The following PRPF31 variants were observed in gnomAD, a reference collection of about 807,000 sequenced individuals.
PRPF31 encodes the protein U4/U6 small nuclear ribonucleoprotein Prp31.
In PRPF31, 12 loss-of-function variants were observed where a neutral mutation model predicts 60.4. The ratio of observed to expected loss-of-function variants is 0.20; its 90% CI spans 0.13 to 0.32. The LOEUF is 0.32. Ranked by LOEUF, PRPF31 falls within the 10% of genes least tolerant of loss-of-function variation. The pLI, the probability that PRPF31 is intolerant of heterozygous loss-of-function variation, is 1.00. For synonymous variants in PRPF31, 287 were observed against 287.9 expected (o/e 1.00, Z 0.03); for missense variants, 431 against 687.1 (o/e 0.63, Z 4.17).
intron 4 of PRPF31, chr19:54,122,150 G>C: frequency 1.5e-6 from 1 of 672,070 alleles, no homozygotes; most frequent in Non-Finnish European, 2.6e-6. Flanking sequence ...GTGGCCGCTT[G>C]GCTGCCTGTA....
chr19:54,130,888 C>T (rs1274562011), intron 13 of PRPF31, among the ~76,000 whole-genome samples: 6 of 152,112 alleles, frequency 3.9e-5, no homozygotes, highest in Non-Finnish European at 7.4e-5. Flanking sequence ...CGGGGGCTCG[C>T]TCTGTTGCCT....
chr19:54,124,762 C>A (rs1248123952), intron 8 of PRPF31, 106 bp downstream of exon 8: 17 of 1,350,914 alleles, frequency 1.3e-5, no homozygotes, highest in Non-Finnish European at 1.8e-5. Context: ...GACGGTAGCA[C>A]TCAGGAGCTG....
intron 1 of PRPF31, among the ~76,000 whole-genome samples, chr19:54,117,204 C>G (rs1351838086): frequency 1.3e-5 from 2 of 152,198 alleles, no homozygotes; most frequent in African/African-American, 2.4e-5. Flanking sequence ...ATGTAACCAA[C>G]TCAAGTTTCT....
intron 8 of PRPF31, 175 bp downstream of exon 8, chr19:54,124,831 C>T: frequency 4.0e-6 from 3 of 750,232 alleles, no homozygotes; most frequent in Admixed American, 4.4e-5. Flanking sequence ...GCTCCAGCAC[C>T]CACCAGTCAG....
At chr19:54,123,582 C>T (rs750045286) in intron 6 of PRPF31, 22 bp downstream of exon 6, 111 of 1,611,672 alleles carry the variant, frequency 6.9e-5, no homozygotes, top group Non-Finnish European at 8.2e-5. Flanking sequence ...TCGAGGGAGG[C>T]GCCGGGCCCT....
chr19:54,123,751 A>G lies in PRPF31; in HGVS notation c.530A>G (p.Gln177Arg). The G allele has an allele frequency of 6.2e-7, 1 of 1,609,312 alleles. No homozygotes were observed. The highest frequency in any genetic ancestry group is 8.5e-7 in the Non-Finnish European group (1 of 1,178,906). ...GCTGGGCCCACCCGCCCCTGCAGGCAGCAGCTGTCGGAGGAGGAGCTGGAG... is the reference window on the plus strand; with the variant it reads ...GCTGGGCCCACCCGCCCCTGCAGGCGGCAGCTGTCGGAGGAGGAGCTGGAG... ...VSVTASTTQG[Q>R]QLSEEELERL... The change falls in exon 7 of 14, where the codon CAG (glutamine) becomes CGG (arginine). Residue 177 changes from glutamine (Q) to arginine (R), a missense_variant and splice_region_variant. Gln to Arg is a conservative substitution (Grantham distance 43, BLOSUM62 1). This residue lies in a region of PRPF31 where 314 missense variants were observed against 475.3 expected (regional missense o/e 0.66). Coordinates refer to ENST00000321030, the MANE Select transcript of PRPF31 (RefSeq NM_015629.4).
chr19:54,131,440 C>G lies in PRPF31; in HGVS notation c.*8C>G. 2 of 1,614,002 alleles carry G rather than the reference C, an allele frequency of 1.2e-6. No individual in the cohort carries two copies. The highest frequency in any genetic ancestry group is 1.7e-6 in the Non-Finnish European group (2 of 1,179,968). On this transcript the variant is annotated 3_prime_UTR_variant, in exon 14 of 14. Transcript: ENST00000321030. ...GGCCTTATGTCCACCTGAATGACTGCGTGTGTCCAAGGTGGCTTCCCACTG... is the reference window on the plus strand; with the variant it reads ...GGCCTTATGTCCACCTGAATGACTGGGTGTGTCCAAGGTGGCTTCCCACTG...
At chr19:54,118,108 C>T (rs1045746573) in intron 1 of PRPF31, 163 bp from the exon 2 acceptor site, 16 of 974,008 alleles carry the variant, frequency 1.6e-5, no homozygotes, top group African/African-American at 3.2e-5. Flanking sequence ...GCTGGAGACT[C>T]GCCAGTGAAC....
intron 1 of PRPF31, 172 bp from the exon 2 acceptor site, chr19:54,118,099 C>A: frequency 1.1e-6 from 1 of 899,746 alleles, no homozygotes; most frequent in South Asian, 1.4e-5. Context: ...CAGGTCGGAG[C>A]TGGAGACTCG....
chr19:54,117,041 G>A (rs1271245397), intron 1 of PRPF31, among the ~76,000 whole-genome samples: 2 of 152,142 alleles, frequency 1.3e-5, no homozygotes, highest in African/African-American at 4.8e-5. Flanking sequence ...GCTGCCGTGA[G>A]CTATGATGGC....
Position 54,123,802 on chromosome 19 carries a change from C to T in PRPF31, c.581C>T (p.Ala194Val), listed in dbSNP as rs119475043. 9 of 1,612,810 alleles carry T rather than the reference C, an allele frequency of 5.6e-6. No individual in the cohort carries two copies. The highest frequency in any genetic ancestry group is 7.6e-6 in the Non-Finnish European group (9 of 1,179,986). Residue 194 changes from alanine (A) to valine (V), a missense_variant, in exon 7 of 14, where the codon GCG (alanine) becomes GTG (valine). Coordinates refer to ENST00000321030, the MANE Select transcript of PRPF31 (RefSeq NM_015629.4). Reference protein sequence around the residue: ...LERLEEACDMALELNASKHRI... With the variant: ...LERLEEACDMVLELNASKHRI... ...CGGCTGGAGGAGGCCTGCGACATGG[C>T]GCTGGAGCTGAACGCCTCCAAGCAC...
intron 10 of PRPF31, 51 bp downstream of exon 10, chr19:54,128,251 C>T: frequency 6.4e-7 from 1 of 1,558,870 alleles, no homozygotes; most frequent in Non-Finnish European, 8.7e-7. Flanking sequence ...AGGGGAGAAG[C>T]CGGCGTCCTC....
chr19:54,124,757 T>C (rs1188563689), intron 8 of PRPF31, 101 bp downstream of exon 8: 24 of 1,381,880 alleles, frequency 1.7e-5, no homozygotes, highest in Non-Finnish European at 2.2e-5. Context: ...CAGCTGACGG[T>C]AGCACTCAGG....
chr19:54,128,857 C>T (rs587635138), intron 11 of PRPF31, among the ~76,000 whole-genome samples, 200 bp from the exon 12 acceptor site: 1 of 152,200 alleles, frequency 6.6e-6, no homozygotes, highest in East Asian at 1.9e-4. Flanking sequence ...GTGCTGGGAC[C>T]GGGCCCCTCT....
intron 3 of PRPF31, among the ~76,000 whole-genome samples, chr19:54,121,448 A>C (rs2073786399): frequency 2.6e-5 from 4 of 152,260 alleles, no homozygotes; most frequent in South Asian, 2.1e-4. Flanking sequence ...CTGAGTCAGC[A>C]AACAGGAACG....
chr19:54,129,439 G>C, intron 13 of PRPF31, 69 bp downstream of exon 13: 1 of 1,514,236 alleles, frequency 6.6e-7, no homozygotes, highest in Non-Finnish European at 8.9e-7. Flanking sequence ...CTCTGCCCCT[G>C]TGAAGAAGGC....
intron 11 of PRPF31, among the ~76,000 whole-genome samples, chr19:54,128,610 C>T (rs894435333): frequency 1.3e-5 from 2 of 151,676 alleles, no homozygotes; most frequent in Non-Finnish European, 2.9e-5. Context: ...GGCTTCCCAT[C>T]GCCCCGGGCT....
intron 2 of PRPF31, 34 bp from the exon 3 acceptor site, chr19:54,118,539 T>G (rs995583520): frequency 6.2e-7 from 1 of 1,613,674 alleles, no homozygotes; most frequent in East Asian, 2.2e-5. Flanking sequence ...TTTTGAAGAG[T>G]GCTGGATTCT....
At chr19:54,124,055 C>T in intron 7 of PRPF31, 137 bp downstream of exon 7, 4 of 1,490,188 alleles carry the variant, frequency 2.7e-6, no homozygotes, top group African/African-American at 1.4e-5. Flanking sequence ...TCACAGAGGT[C>T]AGCCAGCCTG....
Sources: allele counts gnomAD v4.1 joint callset (sites outside exome capture counted in the v4.1 genomes callset), GRCh38; gene constraint gnomAD v4.1.1; regional missense constraint gnomAD v4.1.1; transcripts MANE v1.5; gene names NCBI Gene and HGNC (gene_info 2026-07-23, HGNC 2026-07-21).